Variants in CLASP2 observed in about 807,000 individuals in gnomAD.
CLASP2 encodes the protein cytoplasmic linker associated protein 2.
Under a neutral mutation model 194.4 loss-of-function variants are expected in CLASP2, and 47 were observed. That is an observed-to-expected ratio of 0.24 (90% CI 0.19 to 0.31). The LOEUF is 0.31. Among genes scored for constraint, CLASP2 ranks in the 10% least tolerant of loss-of-function variants. The pLI is 1.00. For missense variants in CLASP2, 1,445 were observed against 1,823.6 expected, an observed-to-expected ratio of 0.79 and a Z score of 3.78; for synonymous variants, 619 against 633.5, an observed-to-expected ratio of 0.98 and a Z score of 0.34.
At chr3:33,552,787 G>T (rs1404302318) in intron 29 of CLASP2, among the ~76,000 whole-genome samples, 1 of 152,056 alleles carries the variant, frequency 6.6e-6, no homozygotes, top group African/African-American at 2.4e-5. Context: ...TCTTCATGTT[G>T]TCTGTTAGAT....
chr3:33,563,560 T>C (rs1000502438), intron 27 of CLASP2, among the ~76,000 whole-genome samples: 2 of 152,204 alleles, frequency 1.3e-5, no homozygotes, highest in African/African-American at 4.8e-5. Context: ...ATAGTAAATA[T>C]CCTAGGGCTT....
At chr3:33,663,663 GAA>G (rs1279015645) in intron 6 of CLASP2, 148 bp from the exon 7 acceptor site, 1 of 596,934 alleles carries the variant, frequency 1.7e-6, no homozygotes, top group Non-Finnish European at 2.9e-6. Context: ...TTAACGCACT[GAA>G]AGAAGACACA....
intron 5 of CLASP2, among the ~76,000 whole-genome samples, chr3:33,685,342 C>CAAAAAAAAAAA (rs56240569): frequency 2.1e-5 from 1 of 48,148 alleles, no homozygotes; most frequent in South Asian, 1.1e-3. Flanking sequence ...AACTCCGTCT[C>CAAAAAAAAAAA]AAAAAAAAAA....
At chr3:33,617,783 C>T (rs181010681) in intron 12 of CLASP2, among the ~76,000 whole-genome samples, 1 of 151,196 alleles carries the variant, frequency 6.6e-6, no homozygotes, top group African/African-American at 2.4e-5. Flanking sequence ...CCTAATAATG[C>T]AGGAAATGCA....
At chr3:33,620,441 A>G (rs1246923901) in intron 11 of CLASP2, among the ~76,000 whole-genome samples, 4 of 152,188 alleles carry the variant, frequency 2.6e-5, no homozygotes, top group African/African-American at 9.7e-5. Flanking sequence ...GTTAATTTTT[A>G]TATATTTGTA....
chr3:33,695,220 A>ATTTTTTTTTT (rs762657276), intron 2 of CLASP2, among the ~76,000 whole-genome samples: 56 of 103,804 alleles, frequency 5.4e-4, no homozygotes, highest in African/African-American at 9.9e-4. Context: ...AAGCCTGCTA[A>ATTTTTTTTTT]TTTTTTTTTT....
intron 26 of CLASP2, among the ~76,000 whole-genome samples, chr3:33,570,442 C>T (rs2063522192): frequency 6.6e-6 from 1 of 152,120 alleles, no homozygotes; most frequent in African/African-American, 2.4e-5. Flanking sequence ...TTTACAAACA[C>T]TAAAACAGTC....
chr3:33,543,697 G>A (rs932533268), intron 31 of CLASP2, among the ~76,000 whole-genome samples, 158 bp from the exon 32 acceptor site: 1 of 152,126 alleles, frequency 6.6e-6, no homozygotes, highest in African/African-American at 2.4e-5. Flanking sequence ...TGGTTTCCAG[G>A]GGGAAAATTT....
At position 33,606,642 on chromosome 3, in the gene CLASP2, G is replaced by A. The variant is rs2073911628; in HGVS notation, c.1643C>T (p.Ala548Val). Residue 548 changes from alanine to valine, a missense_variant, in exon 16 of 39, where the codon GCA (alanine) becomes GTA (valine). Physicochemically the swap from Ala to Val is moderately conservative, Grantham distance 64. Around this residue, in one of 4 missense-constraint regions of CLASP2, gnomAD observed 174 missense variants for 179.0 expected, o/e 0.97. Coordinates refer to ENST00000682230, the MANE Select transcript of CLASP2 (RefSeq NM_001365631.1). ...GGACCTGTCTGATTGTGGAAGAGATGCTACACTGCCAGAACTCTTTAAGTA... is the reference window on the plus strand; with the variant it reads ...GGACCTGTCTGATTGTGGAAGAGATACTACACTGCCAGAACTCTTTAAGTA... ...QTYLKSSGSVASLPQSDRSSS... is the reference protein window; with the variant it reads ...QTYLKSSGSVVSLPQSDRSSS... The A allele has an allele frequency of 1.9e-6, 3 of 1,613,628 alleles. No individual in the cohort carries two copies. The highest frequency in any genetic ancestry group is 2.2e-5 in the South Asian group (2 of 91,056).
chr3:33,514,019 GCT>G (rs111697196), intron 36 of CLASP2, among the ~76,000 whole-genome samples: 2,729 of 152,116 alleles, frequency 0.018, 77 homozygotes, highest in African/African-American at 0.062. Flanking sequence ...ACAGAGTCTT[GCT>G]CTGTCACCCA....
intron 7 of CLASP2, among the ~76,000 whole-genome samples, chr3:33,662,712 C>G (rs2085487257): frequency 6.6e-6 from 1 of 152,152 alleles, no homozygotes; most frequent in Non-Finnish European, 1.5e-5. Context: ...TAACCACACT[C>G]TCTTTAATAT....
intron 12 of CLASP2, among the ~76,000 whole-genome samples, chr3:33,617,796 G>A (rs1193870604): frequency 2.0e-5 from 3 of 151,510 alleles, no homozygotes. Flanking sequence ...GAAATGCAAA[G>A]TAGAATATGA....
At chr3:33,683,695 A>C (rs1424494603) in intron 6 of CLASP2, 2 of 152,370 alleles carry the variant, frequency 1.3e-5, no homozygotes, top group East Asian at 3.9e-4. Flanking sequence ...TAATCCCAGC[A>C]CTTTAGGGAG....
chr3:33,582,467 C>A (rs1466577495), intron 22 of CLASP2, among the ~76,000 whole-genome samples: 2 of 151,952 alleles, frequency 1.3e-5, no homozygotes, highest in Non-Finnish European at 1.5e-5. Context: ...TCAGTCTGGG[C>A]AACATAGTGA....
chr3:33,615,411 C>G (rs139610156), intron 12 of CLASP2, among the ~76,000 whole-genome samples: 2 of 134,988 alleles, frequency 1.5e-5, no homozygotes, highest in African/African-American at 5.5e-5. Flanking sequence ...AGCAGCACAA[C>G]GAACAGGAAA....
chr3:33,658,838 A>C, intron 7 of CLASP2: 1 of 721,790 alleles, frequency 1.4e-6, no homozygotes, highest in African/African-American at 1.8e-5. Flanking sequence ...ATGTACACAC[A>C]AGTGTACACA....
At chr3:33,517,260 CAG>C in intron 34 of CLASP2, 86 bp from the exon 35 acceptor site, 1 of 937,058 alleles carries the variant, frequency 1.1e-6, no homozygotes, top group Non-Finnish European at 1.5e-6. Flanking sequence ...TGATGAAACA[CAG>C]ATATAACCAT....
intron 32 of CLASP2, among the ~76,000 whole-genome samples, chr3:33,541,364 T>C (rs1420897290): frequency 6.6e-6 from 1 of 152,146 alleles, no homozygotes; most frequent in African/African-American, 2.4e-5. Flanking sequence ...GTGTTCAGGA[T>C]GTGCAGACTT....
Position 33,663,439 on chromosome 3 carries a change from T to C in CLASP2, c.715+6A>G. Reference sequence around the variant, plus strand: ...TAGAAATGTTTGAGAGCTTAATTACTCTTACCTTTGCAGACACTCAAAATC... The same window carrying C: ...TAGAAATGTTTGAGAGCTTAATTACCCTTACCTTTGCAGACACTCAAAATC... On this transcript the variant is annotated splice_donor_region_variant and intron_variant, in intron 7 of 38. Coordinates refer to ENST00000682230, the MANE Select transcript of CLASP2 (RefSeq NM_001365631.1). 6.2e-7 allele frequency: 1 copy of C among 1,610,340 alleles called. No individual in the cohort carries two copies. Among genetic ancestry groups the C allele is most frequent in the Non-Finnish European group, 8.5e-7 (1 of 1,177,882 alleles).
Sources: allele counts gnomAD v4.1 joint callset (sites outside exome capture counted in the v4.1 genomes callset), GRCh38; gene constraint gnomAD v4.1.1; regional missense constraint gnomAD v4.1.1; transcripts MANE v1.5; gene names NCBI Gene and HGNC (gene_info 2026-07-23, HGNC 2026-07-21).